The following GLRA2 variants were observed in gnomAD, a reference collection of about 807,000 sequenced individuals.
GLRA2 encodes the protein glycine receptor alpha 2.
Under a neutral mutation model 31.6 loss-of-function variants are expected in GLRA2, and 11 were observed. The ratio of observed to expected loss-of-function variants is 0.35; its 90% CI spans 0.22 to 0.58. The LOEUF is 0.58. Among genes scored for constraint, GLRA2 ranks in the 20% least tolerant of loss-of-function variants. The pLI is 0.84. For synonymous variants in GLRA2, 132 were observed against 134.0 expected, an observed-to-expected ratio of 0.99 and a Z score of 0.10; for missense variants, 212 against 351.8, an observed-to-expected ratio of 0.60 and a Z score of 3.18.
chrX:14,717,703 T>A (rs1388336690), intron 8 of GLRA2, among the ~76,000 whole-genome samples: 5 of 102,218 alleles, frequency 4.9e-5, no homozygotes, highest in Non-Finnish European at 9.7e-5. Flanking sequence ...TTAGATGAGC[T>A]TGGATTTACT....
chrX:14,572,463 G>T (rs2089897192), intron 2 of GLRA2, among the ~76,000 whole-genome samples: 1 of 112,161 alleles, frequency 8.9e-6, no homozygotes, highest in African/African-American at 3.2e-5. Flanking sequence ...CTTGTGACTT[G>T]CCTCTGCCTT....
At chrX:14,455,426 C>A in the GLRA2 span, among the ~76,000 whole-genome samples, 1 of 111,310 alleles carries the variant, frequency 9.0e-6, no homozygotes, top group Non-Finnish European at 1.9e-5. Context: ...ATTCAGTGAG[C>A]AATATGGTAA....
intron 7 of GLRA2, among the ~76,000 whole-genome samples, chrX:14,659,485 T>C (rs768150334): frequency 1.8e-5 from 2 of 112,570 alleles, no homozygotes; most frequent in Non-Finnish European, 3.7e-5. Flanking sequence ...TGAATCATTC[T>C]GCAAAGGTTT....
intron 7 of GLRA2, among the ~76,000 whole-genome samples, chrX:14,613,853 C>T (rs1483193420): frequency 9.0e-6 from 1 of 111,262 alleles, no homozygotes; most frequent in Non-Finnish European, 1.9e-5. Flanking sequence ...CTTCTCTGCC[C>T]CTGGAGGATT....
intron 7 of GLRA2, among the ~76,000 whole-genome samples, chrX:14,674,320 A>T (rs1158503612): frequency 8.9e-6 from 1 of 112,483 alleles, no homozygotes; most frequent in Non-Finnish European, 1.9e-5. Context: ...ATTTAAAGCA[A>T]AGCAATATAA....
At chrX:14,454,915 GT>G in the GLRA2 span, among the ~76,000 whole-genome samples, 1 of 112,219 alleles carries the variant, frequency 8.9e-6, no homozygotes, top group Non-Finnish European at 1.9e-5. Context: ...CCCATTCCAA[GT>G]TTTATTTATT....
intron 8 of GLRA2, among the ~76,000 whole-genome samples, chrX:14,706,906 T>A (rs1195847181): frequency 8.9e-6 from 1 of 112,351 alleles, no homozygotes; most frequent in East Asian, 2.8e-4. Flanking sequence ...AGGGAGTTTA[T>A]AAGGTTTGCT....
chrX:14,593,899 C>G (rs770629240), intron 4 of GLRA2, among the ~76,000 whole-genome samples: 3 of 112,994 alleles, frequency 2.7e-5, no homozygotes, highest in Non-Finnish European at 5.6e-5. Context: ...ACATGTAGCT[C>G]ATAACAGAGG....
At chrX:14,493,514 TATATACACAC>T in the GLRA2 span, among the ~76,000 whole-genome samples, 5 of 73,819 alleles carry the variant, frequency 6.8e-5, no homozygotes, top group Admixed American at 4.0e-4. Context: ...CATATATATA[TATATACACAC>T]ATATATACAC....
At chrX:14,695,802 G>T (rs765563244) in intron 8 of GLRA2, among the ~76,000 whole-genome samples, 1 of 111,594 alleles carries the variant, frequency 9.0e-6, no homozygotes, top group South Asian at 3.8e-4. Flanking sequence ...AGAGTATGGT[G>T]GAAAAAAGAA....
intron 8 of GLRA2, among the ~76,000 whole-genome samples, chrX:14,712,600 A>G (rs1229969100): frequency 9.1e-6 from 1 of 109,771 alleles, no homozygotes; most frequent in Admixed American, 9.7e-5. Flanking sequence ...GGGTATAGTC[A>G]TGAAGACAAA....
At chrX:14,459,739 T>C in the GLRA2 span, among the ~76,000 whole-genome samples, 1 of 112,063 alleles carries the variant, frequency 8.9e-6, no homozygotes, top group African/African-American at 3.2e-5. Context: ...CTGAGACTGC[T>C]GAAGTTGCTT....
intron 2 of GLRA2, among the ~76,000 whole-genome samples, chrX:14,561,414 G>A (rs897365928): frequency 3.6e-5 from 4 of 112,287 alleles, no homozygotes; most frequent in African/African-American, 1.3e-4. Flanking sequence ...ACCGAATCTG[G>A]CCTACCACCT....
At chrX:14,487,692 T>C in the GLRA2 span, among the ~76,000 whole-genome samples, 13 of 111,812 alleles carry the variant, frequency 1.2e-4, no homozygotes, top group African/African-American at 3.9e-4. Flanking sequence ...TATAAAGATA[T>C]CTAAAGCTAC....
chrX:14,593,142 A>G (rs960363903), intron 4 of GLRA2, among the ~76,000 whole-genome samples: 1 of 112,194 alleles, frequency 8.9e-6, no homozygotes. Flanking sequence ...TATGAAACAT[A>G]TGAATTACTT....
chrX:14,476,773 A>G, the GLRA2 span, among the ~76,000 whole-genome samples: 1 of 112,207 alleles, frequency 8.9e-6, no homozygotes, highest in Non-Finnish European at 1.9e-5. Context: ...TTTCCTCCCA[A>G]TGCATAAATG....
At chrX:14,622,924 A>G (rs1362902405) in intron 7 of GLRA2, among the ~76,000 whole-genome samples, 3 of 111,882 alleles carry the variant, frequency 2.7e-5, no homozygotes, top group Admixed American at 9.5e-5. Context: ...CATTGAATCT[A>G]TAAATTACCT....
At chrX:14,522,365 C>A in the GLRA2 span, among the ~76,000 whole-genome samples, 1 of 112,159 alleles carries the variant, frequency 8.9e-6, no homozygotes, top group African/African-American at 3.2e-5. Flanking sequence ...GCTATTTTCA[C>A]CACATCTGCA....
At chrX:14,678,172 T>C (rs1463870564) in intron 7 of GLRA2, among the ~76,000 whole-genome samples, 1 of 111,926 alleles carries the variant, frequency 8.9e-6, no homozygotes, top group Non-Finnish European at 1.9e-5. Flanking sequence ...CTAAGCAAAA[T>C]TGTTTAAACA....
Sources: allele counts gnomAD v4.1 joint callset (sites outside exome capture counted in the v4.1 genomes callset), GRCh38; gene constraint gnomAD v4.1.1; transcripts MANE v1.5; gene names NCBI Gene and HGNC (gene_info 2026-07-23, HGNC 2026-07-21).